Variants in AGAP1 observed in about 807,000 individuals in gnomAD.
AGAP1 encodes the protein ArfGAP with GTPase domain, ankyrin repeat and PH domain 1.
A neutral mutation model predicts 105.3 loss-of-function variants in AGAP1; 29 were observed. The ratio of observed to expected loss-of-function variants is 0.28; its 90% CI spans 0.21 to 0.38. The LOEUF (loss-of-function observed/expected upper bound fraction) is 0.38, where lower values mean the gene tolerates loss of function less well. Ranked by LOEUF, AGAP1 falls within the 10% of genes least tolerant of loss-of-function variation. The probability of loss-of-function intolerance (pLI) is 1.00; values close to 1 mark genes in which losing one functional copy is unlikely to be tolerated. For missense variants in AGAP1, 998 were observed against 1,165.1 expected (o/e 0.86, Z 2.09); for synonymous variants, 509 against 485.9 (o/e 1.05, Z -0.63).
At chr2:235,816,629 G>A (rs116052535) in intron 9 of AGAP1, among the ~76,000 whole-genome samples, 2,456 of 152,034 alleles carry the variant, frequency 0.016, 50 homozygotes, top group African/African-American at 0.055. Context: ...GGTGGCTCAC[G>A]CCTGTCATGT....
chr2:236,124,208 C>G lies in AGAP1; in HGVS notation c.*86C>G, dbSNP rs1309893050. ...CTCAGAAGTCGCAGCACGTGAGTCC[C>G]GTCGCATCCCCTCCCTCTTCCTGGT... On this transcript the variant is annotated 3_prime_UTR_variant, in exon 18 of 18. Transcript: ENST00000304032. The surrounding 1 kb of genome is among the most constrained non-coding windows in gnomAD (Gnocchi z 5.1). The G allele has an allele frequency of 2.8e-6, 4 of 1,407,776 alleles. No homozygotes were observed. The highest frequency in any genetic ancestry group is 1.9e-6 in the Non-Finnish European group (2 of 1,028,296). The allele number at this position is 1,407,776 out of a possible 1,614,324, so 87.2% of individuals were successfully genotyped here.
chr2:236,090,889 G>A lies in AGAP1; in HGVS notation c.2115-29303G>A, dbSNP rs761203368. Among the ~76,000 whole-genome samples the A allele has an allele frequency of 1.1e-4, 16 of 152,118 alleles. No individual in the cohort carries two copies. The highest frequency in any genetic ancestry group is 8.5e-4 in the Admixed American group (13 of 15,282). On this transcript the variant is annotated intron_variant, in intron 16 of 17. Transcript: ENST00000304032. The surrounding 1 kb of genome is among the most constrained non-coding windows in gnomAD (Gnocchi z 4.3). ...TGAGTAGCTGGGATTACAGGCATGC[G>A]CCACCATACCCGGCTAATTTTGCAT...
At chr2:235,839,017 A>G (rs1170636619) in intron 9 of AGAP1, among the ~76,000 whole-genome samples, 2 of 152,202 alleles carry the variant, frequency 1.3e-5, no homozygotes, top group Non-Finnish European at 2.9e-5. Flanking sequence ...GGTTTATTCA[A>G]GAGATAAATT....
chr2:235,600,800 C>A lies in AGAP1; in HGVS notation c.163+105951C>A, dbSNP rs1296343735. Reference sequence around the variant, plus strand: ...GTCTGCCTTCCCCAGCCCGTTGACTCAAATGTTAATCTCCTTTGGCAGCGC... The same window carrying A: ...GTCTGCCTTCCCCAGCCCGTTGACTAAAATGTTAATCTCCTTTGGCAGCGC... On this transcript the variant is annotated intron_variant, in intron 1 of 17. Coordinates refer to ENST00000304032, the MANE Select transcript of AGAP1 (RefSeq NM_001037131.3). The surrounding 1 kb of genome is among the most constrained non-coding windows in gnomAD (Gnocchi z 4.8). Among the ~76,000 whole-genome samples, 2 of 152,206 alleles carry A rather than the reference C, an allele frequency of 1.3e-5. No homozygotes were observed. Among genetic ancestry groups the A allele is most frequent in the Non-Finnish European group, 1.5e-5 (1 of 68,038 alleles).
At chr2:235,575,363 T>C (rs1482197143) in intron 1 of AGAP1, among the ~76,000 whole-genome samples, 1 of 152,226 alleles carries the variant, frequency 6.6e-6, no homozygotes, top group African/African-American at 2.4e-5. Context: ...AGGATAAACT[T>C]AAGATTTGAA....
At chr2:235,886,577 A>C (rs1395808536) in intron 10 of AGAP1, among the ~76,000 whole-genome samples, 1 of 152,178 alleles carries the variant, frequency 6.6e-6, no homozygotes, top group Non-Finnish European at 1.5e-5. Context: ...ATAAGTATGC[A>C]TGAATCTTAC....
At chr2:235,852,848 A>C (rs1043531233) in intron 9 of AGAP1, 1 of 1,460,226 alleles carries the variant, frequency 6.8e-7, no homozygotes, top group African/African-American at 1.4e-5. Flanking sequence ...GGCCATGATG[A>C]ATTAGCGGTG....
intron 11 of AGAP1, among the ~76,000 whole-genome samples, chr2:235,929,334 C>A (rs1181761837): frequency 6.6e-6 from 1 of 152,104 alleles, no homozygotes; most frequent in African/African-American, 2.4e-5. Context: ...CTTGGCGATG[C>A]TGCTTCTGTA....
chr2:235,534,702 AC>A (rs1327687098), intron 1 of AGAP1, among the ~76,000 whole-genome samples: 1 of 152,188 alleles, frequency 6.6e-6, no homozygotes, highest in Non-Finnish European at 1.5e-5. Context: ...ACACGGTGCC[AC>A]CGTTTCCTCA....
intron 6 of AGAP1, among the ~76,000 whole-genome samples, chr2:235,775,012 C>T (rs1195823351): frequency 2.6e-5 from 4 of 152,074 alleles, no homozygotes; most frequent in African/African-American, 9.7e-5. Flanking sequence ...AAGAGATTCC[C>T]CTGTAAATTC....
intron 1 of AGAP1, among the ~76,000 whole-genome samples, chr2:235,603,540 G>A (rs1945810814): frequency 6.6e-6 from 1 of 152,200 alleles, no homozygotes; most frequent in Non-Finnish European, 1.5e-5. Flanking sequence ...TAGTTACACA[G>A]TTCAGGTGCT....
intron 1 of AGAP1, among the ~76,000 whole-genome samples, chr2:235,707,914 C>T (rs1013449662): frequency 1.3e-5 from 2 of 151,454 alleles, no homozygotes; most frequent in Non-Finnish European, 2.9e-5. Flanking sequence ...CAGCCTGTGA[C>T]CTGGTGGGTT....
At chr2:235,651,545 T>C (rs1386220700) in intron 1 of AGAP1, among the ~76,000 whole-genome samples, 1 of 152,128 alleles carries the variant, frequency 6.6e-6, no homozygotes, top group Non-Finnish European at 1.5e-5. Flanking sequence ...ACGCTCTTAT[T>C]GAACAAATCA....
At position 235,979,381 on chromosome 2, in the gene AGAP1, A is replaced by G. The variant is rs909348921; in HGVS notation, c.1645+10758A>G. 6.6e-6 allele frequency among the ~76,000 whole-genome samples: 1 copy of G among 152,172 alleles called. No homozygotes were observed. The highest frequency in any genetic ancestry group is 2.4e-5 in the African/African-American group (1 of 41,446). The stretch of plus-strand genomic sequence containing the variant: ...TGCATCGCTGATTTAAGTGTTAATC[A>G]AATGCCTGTCTCGCCTGGCTGCGGG... On this transcript the variant is annotated intron_variant, in intron 13 of 17. Transcript: ENST00000304032. This position sits in a 1 kb window ranked among gnomAD's most constrained non-coding sequence, Gnocchi z 4.5.
rs1350624099 is a variant in AGAP1, at chr2:235,725,890, A to G, written c.310+8246A>G. ...AAAATAGGTAAAGGATGCTAACATT[A>G]TTATTAGATGTTCAAAAAAATAATA... On this transcript the variant is annotated intron_variant, in intron 3 of 17. Transcript: ENST00000304032. This position sits in a 1 kb window ranked among gnomAD's most constrained non-coding sequence, Gnocchi z 5.7. Among the ~76,000 whole-genome samples the G allele has an allele frequency of 1.3e-5, 2 of 152,196 alleles. No individual in the cohort carries two copies. Among genetic ancestry groups the G allele is most frequent in the African/African-American group, 2.4e-5 (1 of 41,438 alleles).
intron 2 of AGAP1, among the ~76,000 whole-genome samples, chr2:235,709,604 C>A (rs867166116): frequency 8.5e-5 from 13 of 152,078 alleles, no homozygotes; most frequent in Admixed American, 5.9e-4. Context: ...ACACACACAC[C>A]CCCATGGATT....
intron 12 of AGAP1, among the ~76,000 whole-genome samples, chr2:235,966,202 A>T (rs1290127224): frequency 4.3e-5 from 5 of 114,978 alleles, no homozygotes; most frequent in African/African-American, 1.7e-4. Flanking sequence ...TCCTCTAAGG[A>T]TGGAGGAGAG....
rs35062249 is a variant in AGAP1 at position 235,882,754 on chromosome 2, C to A, written c.1051-591C>A. 0.36 allele frequency among the ~76,000 whole-genome samples: 55,456 copies of A among 152,020 alleles called. 10,608 individuals carry two copies. Among genetic ancestry groups the A allele is most frequent in the South Asian group, 0.64 (3,068 of 4,806 alleles). ...CCTCCCAAAGTTCTGGGATTACAGG[C>A]GTGAGCCACCGTGCCCGGCCTGGTT... On this transcript the variant is annotated intron_variant, in intron 9 of 17. Transcript: ENST00000304032. This position sits in a 1 kb window ranked among gnomAD's most constrained non-coding sequence, Gnocchi z 4.6.
chr2:236,000,376 G>A lies in AGAP1; in HGVS notation c.1645+31753G>A, dbSNP rs556179866. Among the ~76,000 whole-genome samples, 19 of 152,314 alleles carry A rather than the reference G, an allele frequency of 1.2e-4. No individual in the cohort carries two copies. The highest frequency in any genetic ancestry group is 4.3e-4 in the African/African-American group (18 of 41,574). On this transcript the variant is annotated intron_variant, in intron 13 of 17. Transcript: ENST00000304032. This position sits in a 1 kb window ranked among gnomAD's most constrained non-coding sequence, Gnocchi z 4.3. ...TTTGCTTAAAGTCACACATTTCCAA[G>A]AACCTGTCAATGGCATTGAGGACTT...
Sources: gnomAD v4.1 joint callset for allele counts (sites outside exome capture counted in the v4.1 genomes callset) on GRCh38, gnomAD v4.1.1 for gene constraint, Gnocchi (gnomAD v3.1) non-coding constraint, MANE v1.5 for transcripts, NCBI Gene and HGNC (gene_info 2026-07-23, HGNC 2026-07-21) for gene names.